PKP1: variants seen among roughly 807,000 people sequenced by gnomAD.
The protein encoded by PKP1 is plakophilin 1, also known as plakophilin-1.
Under a neutral mutation model 76.4 loss-of-function variants are expected in PKP1, and 27 were observed. That is an observed-to-expected ratio of 0.35 (90% CI 0.26 to 0.49). PKP1 has a LOEUF of 0.49. Ranked by LOEUF, PKP1 falls within the 20% of genes least tolerant of loss-of-function variation. The pLI is 0.99. For synonymous variants in PKP1, 404 were observed against 384.2 expected, an observed-to-expected ratio of 1.05 and a Z score of -0.60; for missense variants, 964 against 955.2, an observed-to-expected ratio of 1.01 and a Z score of -0.12.
rs544417856 is a variant in PKP1, at chr1:201,287,420, T to C, written c.202+3516T>C. Among the ~76,000 whole-genome samples, 6 of 152,322 alleles carry C rather than the reference T, an allele frequency of 3.9e-5. No individual in the cohort carries two copies. The South Asian group carries it at 1.2e-3, about 32-fold the overall frequency. ...GTCTCAGCATGAGCTTCTGCCCGAG[T>C]GTTCTGCTCATTAGAGTTTCTAGAA... On this transcript the variant is annotated intron_variant, in intron 1 of 13. Coordinates refer to ENST00000367324, the MANE Select transcript of PKP1 (RefSeq NM_001005337.3).
intron 3 of PKP1, among the ~76,000 whole-genome samples, chr1:201,315,615 G>A (rs565394665): frequency 6.6e-6 from 1 of 152,376 alleles, no homozygotes; most frequent in East Asian, 1.9e-4. Context: ...TCTTGCTGGA[G>A]CAGACCCTGG....
In PKP1 at chr1:201,332,790, T is replaced by C. The variant is rs1015945378; in HGVS notation, c.*2749T>C. On this transcript the variant is annotated 3_prime_UTR_variant, in exon 14 of 14. Transcript: ENST00000367324. ...CTGAACTGGCTGGCAGGACCAAGAC[T>C]GCGGCTGGGGTGGGCAGGGAAGGGA... 2 of 152,132 alleles carry C rather than the reference T, an allele frequency of 1.3e-5. No homozygotes were observed. The highest frequency in any genetic ancestry group is 4.8e-5 in the African/African-American group (2 of 41,422). 9.4% of individuals were successfully genotyped at this position (152,132 alleles called of 1,614,324 possible). A position where few individuals can be genotyped will look rare whatever the true frequency, so the allele number is the denominator to read the frequency against.
chr1:201,314,381 A>G (rs1445326199), intron 3 of PKP1, among the ~76,000 whole-genome samples: 4 of 152,158 alleles, frequency 2.6e-5, no homozygotes. Flanking sequence ...AGAATCACTT[A>G]AGCCCGGGAG....
intron 2 of PKP1, among the ~76,000 whole-genome samples, chr1:201,304,231 A>G (rs1656312590): frequency 6.6e-6 from 1 of 152,212 alleles, no homozygotes; most frequent in Non-Finnish European, 1.5e-5. Context: ...CTTCCTGGCC[A>G]CGCCAGAAGC....
intron 1 of PKP1, among the ~76,000 whole-genome samples, chr1:201,290,390 C>T (rs1423001082): frequency 6.6e-6 from 1 of 151,890 alleles, no homozygotes; most frequent in Non-Finnish European, 1.5e-5. Flanking sequence ...CCTGCTCATG[C>T]TGCATGCACC....
intron 8 of PKP1, 116 bp downstream of exon 8, chr1:201,322,249 C>A: frequency 8.7e-7 from 1 of 1,145,190 alleles, no homozygotes; most frequent in Non-Finnish European, 1.2e-6. Context: ...CCCTAAGGGA[C>A]AGGCCCATGC....
intron 5 of PKP1, 53 bp downstream of exon 5, chr1:201,317,832 G>T (rs968121299): frequency 1.9e-5 from 29 of 1,529,426 alleles, no homozygotes; most frequent in Non-Finnish European, 2.4e-5. Context: ...AAGGCCACTG[G>T]CTATGGCCCC....
At chr1:201,293,238 G>T (rs1299715288) in intron 1 of PKP1, among the ~76,000 whole-genome samples, 1 of 152,204 alleles carries the variant, frequency 6.6e-6, no homozygotes, top group Non-Finnish European at 1.5e-5. Flanking sequence ...CCCACTAGGA[G>T]CCCCAAATCC....
intron 6 of PKP1, chr1:201,319,987 C>T: frequency 3.3e-6 from 4 of 1,222,790 alleles, no homozygotes; most frequent in Non-Finnish European, 3.6e-6. Flanking sequence ...GCAAATGAGA[C>T]CTCATTTCAG....
At chr1:201,320,443 C>G in intron 7 of PKP1, 62 bp downstream of exon 7, 1 of 1,053,702 alleles carries the variant, frequency 9.5e-7, no homozygotes, top group Non-Finnish European at 1.5e-6. Context: ...TTTCTGGGTG[C>G]CTTTGAGGCC....
At chr1:201,309,340 T>G (rs1014907130) in intron 2 of PKP1, among the ~76,000 whole-genome samples, 3 of 151,996 alleles carry the variant, frequency 2.0e-5, no homozygotes, top group African/African-American at 7.2e-5. Flanking sequence ...GCTGGGGGGC[T>G]CCTAGCTAAA....
At chr1:201,313,080 T>C in intron 2 of PKP1, 86 bp from the exon 3 acceptor site, 1 of 1,354,034 alleles carries the variant, frequency 7.4e-7, no homozygotes, top group Non-Finnish European at 1.0e-6. Flanking sequence ...TTATGGGGGC[T>C]GGGGAGGGCT....
chr1:201,292,610 G>C (rs959808368), intron 1 of PKP1, among the ~76,000 whole-genome samples: 4 of 152,176 alleles, frequency 2.6e-5, no homozygotes, highest in African/African-American at 9.7e-5. Context: ...TTCCAGCCCT[G>C]CTCCCCCAGG....
At chr1:201,288,202 C>T (rs1655793839) in intron 1 of PKP1, among the ~76,000 whole-genome samples, 3 of 152,170 alleles carry the variant, frequency 2.0e-5, no homozygotes, top group Admixed American at 1.3e-4. Context: ...TAGATCATCT[C>T]CAAAGTGCTT....
At chr1:201,283,994 G>GAA in intron 1 of PKP1, 90 bp downstream of exon 1, 2 of 1,204,120 alleles carry the variant, frequency 1.7e-6, no homozygotes, top group Non-Finnish European at 1.2e-6. Flanking sequence ...GCATCCCCGG[G>GAA]GATGAGGGGA....
intron 2 of PKP1, among the ~76,000 whole-genome samples, chr1:201,309,206 G>T (rs1656460916): frequency 6.6e-6 from 1 of 151,958 alleles, no homozygotes; most frequent in South Asian, 2.1e-4. Context: ...GCCTCTGAGA[G>T]CTTCCTGACT....
At chr1:201,312,012 G>A (rs1394918397) in intron 2 of PKP1, among the ~76,000 whole-genome samples, 1 of 152,208 alleles carries the variant, frequency 6.6e-6, no homozygotes, top group Non-Finnish European at 1.5e-5. Context: ...CTCATTGTCT[G>A]TTGTATGTTT....
chr1:201,318,848 C>A, intron 6 of PKP1, 53 bp downstream of exon 6: 1 of 1,421,716 alleles, frequency 7.0e-7, no homozygotes, highest in Non-Finnish European at 9.7e-7. Context: ...GGCCCTTCCC[C>A]AGGCAGCCCC....
chr1:201,324,794 C>T, intron 10 of PKP1, 147 bp from the exon 11 acceptor site: 1 of 1,006,714 alleles, frequency 9.9e-7, no homozygotes, highest in Non-Finnish European at 1.5e-6. Context: ...TCTCTGAGCC[C>T]TGAGTTGGAG....
Sources: allele counts gnomAD v4.1 joint callset (sites outside exome capture counted in the v4.1 genomes callset), GRCh38; gene constraint gnomAD v4.1.1; transcripts MANE v1.5; gene names NCBI Gene and HGNC (gene_info 2026-07-23, HGNC 2026-07-21).